Variants in FOXK2 observed in about 807,000 individuals in gnomAD.
The protein encoded by FOXK2 is forkhead box K2, also known as forkhead box protein K2.
Under a neutral mutation model 53.3 loss-of-function variants are expected in FOXK2, and 24 were observed. That is an observed-to-expected ratio of 0.45 (90% confidence interval 0.33 to 0.63). The LOEUF is 0.63. Among genes scored for constraint, FOXK2 ranks in the 30% least tolerant of loss-of-function variants. The pLI is 0.03. For missense variants in FOXK2, 952 were observed against 910.5 expected (o/e 1.05, Z -0.59); for synonymous variants, 505 against 407.1 (o/e 1.24, Z -2.89).
At chr17:82,535,060 TG>T (rs1463124992) in intron 1 of FOXK2, among the ~76,000 whole-genome samples, 2 of 152,162 alleles carry the variant, frequency 1.3e-5, no homozygotes, top group African/African-American at 4.8e-5. Context: ...TTGTATTTTT[TG>T]TACAGATGGG....
At chr17:82,523,125 C>T (rs2044382608) in intron 1 of FOXK2, among the ~76,000 whole-genome samples, 1 of 152,150 alleles carries the variant, frequency 6.6e-6, no homozygotes, top group Non-Finnish European at 1.5e-5. Context: ...AGGAATGAGT[C>T]TTGCAGTAGA....
intron 1 of FOXK2, among the ~76,000 whole-genome samples, chr17:82,558,716 C>T (rs1221195332): frequency 6.6e-6 from 1 of 152,030 alleles, no homozygotes; most frequent in African/African-American, 2.4e-5. Flanking sequence ...GCACAGTGGA[C>T]ACCAGATGTG....
intron 1 of FOXK2, among the ~76,000 whole-genome samples, chr17:82,536,684 C>G (rs199509312): frequency 1.3e-5 from 2 of 152,164 alleles, no homozygotes; most frequent in African/African-American, 4.8e-5. Context: ...AAAGCAAGCT[C>G]GAGGCCGAGG....
chr17:82,584,251 T>C lies in FOXK2; in HGVS notation c.1279+63T>C, dbSNP rs1200337744. On this transcript the variant is annotated intron_variant, in intron 6 of 8. Coordinates refer to ENST00000335255, the MANE Select transcript of FOXK2 (RefSeq NM_004514.4). ...GTGAGCCAGACGCGGACGCCTGGGC[T>C]CCACAGAGAAGAAACAGCCGGACTG... The C allele has an allele frequency of 5.5e-6, 8 of 1,464,130 alleles. No homozygotes were observed. The East Asian group carries it at 1.5e-4, about 28-fold the overall frequency. The allele number at this position is 1,464,130 out of a possible 1,614,324, so 90.7% of individuals were successfully genotyped here. A position where few individuals can be genotyped will look rare whatever the true frequency, so the allele number is the denominator to read the frequency against.
At chr17:82,592,557 C>T (rs767104712) in intron 8 of FOXK2, among the ~76,000 whole-genome samples, 35 of 152,370 alleles carry the variant, frequency 2.3e-4, no homozygotes, top group Non-Finnish European at 4.9e-4. Context: ...GCTGCTTCAC[C>T]CTGCGACATT....
At chr17:82,528,962 A>G (rs908694436) in intron 1 of FOXK2, among the ~76,000 whole-genome samples, 7 of 152,184 alleles carry the variant, frequency 4.6e-5, no homozygotes, top group Admixed American at 4.6e-4. Flanking sequence ...TTTGGTTGGC[A>G]TAGACTGGGA....
chr17:82,579,191 C>G (rs1276145303), intron 4 of FOXK2, among the ~76,000 whole-genome samples: 1 of 152,152 alleles, frequency 6.6e-6, no homozygotes, highest in Non-Finnish European at 1.5e-5. Flanking sequence ...GTTTGCTTTT[C>G]TTCAGTCCTA....
chr17:82,587,173 G>T lies in FOXK2; in HGVS notation c.1687G>T (p.Ala563Ser), dbSNP rs571265485. Reference sequence around the variant, plus strand: ...CCAGACGGTGACCATAGTACAACAGGCACCTCTAGGTCAACACCAGCTACC... The same window carrying T: ...CCAGACGGTGACCATAGTACAACAGTCACCTCTAGGTCAACACCAGCTACC... ...PVQTVTIVQQ[A>S]PLGQHQLPIK... The change falls in exon 8 of 9, where the codon GCA (alanine) becomes TCA (serine). Residue 563 changes from alanine to serine, a missense_variant. By Grantham distance (99) the Ala-to-Ser change is moderately conservative. Around this residue, in one of 5 missense-constraint regions of FOXK2, gnomAD observed 551 missense variants for 385.1 expected, o/e 1.43. Coordinates refer to ENST00000335255, the MANE Select transcript of FOXK2 (RefSeq NM_004514.4). 2 of 1,613,038 alleles carry T rather than the reference G, an allele frequency of 1.2e-6. No individual in the cohort carries two copies. The highest frequency in any genetic ancestry group is 1.7e-6 in the Non-Finnish European group (2 of 1,179,994).
At chr17:82,530,805 T>C (rs984489587) in intron 1 of FOXK2, among the ~76,000 whole-genome samples, 7 of 152,228 alleles carry the variant, frequency 4.6e-5, no homozygotes, top group African/African-American at 1.7e-4. Flanking sequence ...TGTGAGTCAC[T>C]GTGCCCGGTC....
At chr17:82,559,874 C>T (rs2044774195) in intron 1 of FOXK2, among the ~76,000 whole-genome samples, 1 of 151,934 alleles carries the variant, frequency 6.6e-6, no homozygotes. Context: ...AAGTGGGTGA[C>T]TTGAGAGATT....
At chr17:82,592,698 C>T (rs777994949) in intron 8 of FOXK2, among the ~76,000 whole-genome samples, 1 of 152,268 alleles carries the variant, frequency 6.6e-6, no homozygotes, top group Non-Finnish European at 1.5e-5. Context: ...TTTGTTGACT[C>T]CAGTGTTTCC....
intron 8 of FOXK2, chr17:82,587,563 TGAAACGGCG>T (rs1040710155): frequency 7.0e-5 from 31 of 442,994 alleles, no homozygotes; most frequent in Non-Finnish European, 1.2e-4. Flanking sequence ...GGAAGCGGCC[TGAAACGGCG>T]GGAGCCGCCG....
intron 1 of FOXK2, among the ~76,000 whole-genome samples, chr17:82,543,171 T>C (rs953529449): frequency 1.7e-5 from 2 of 117,724 alleles, no homozygotes; most frequent in Admixed American, 1.7e-4. Context: ...AAAACTGTTA[T>C]CTAAATCCAC....
rs1021673722 is a variant in FOXK2 at position 82,523,542 on chromosome 17, G to A, written c.419+3235G>A. 8.0e-5 allele frequency among the ~76,000 whole-genome samples: 12 copies of A among 150,416 alleles called. No homozygotes were observed. The Admixed American group carries it at 8.0e-4, about 10-fold the overall frequency. On this transcript the variant is annotated intron_variant, in intron 1 of 8. Transcript: ENST00000335255. The stretch of plus-strand genomic sequence containing the variant: ...GGCTGGAGTGCAATGGTATGATCTC[G>A]GCTCATTGCAACCTCCGCTTCCTGG...
chr17:82,563,108 T>C (rs2044815239), intron 1 of FOXK2, among the ~76,000 whole-genome samples: 1 of 152,124 alleles, frequency 6.6e-6, no homozygotes, highest in South Asian at 2.1e-4. Context: ...TACCTGGCCT[T>C]GTCTGTGCTT....
chr17:82,521,473 A>G (rs1230258254), intron 1 of FOXK2, among the ~76,000 whole-genome samples: 1 of 150,262 alleles, frequency 6.7e-6, no homozygotes, highest in Non-Finnish European at 1.5e-5. Context: ...CGCCCGGCCT[A>G]CAAATTGGAA....
chr17:82,585,893 T>C lies in FOXK2; in HGVS notation c.1280-11T>C, dbSNP rs2045133045. The C allele has an allele frequency of 1.9e-6, 3 of 1,602,904 alleles. No individual in the cohort carries two copies. Among genetic ancestry groups the C allele is most frequent in the Non-Finnish European group, 2.6e-6 (3 of 1,172,952 alleles). On this transcript the variant is annotated splice_polypyrimidine_tract_variant and intron_variant, in intron 6 of 8. Transcript: ENST00000335255. ...ATCTGTAAGTGTCAGTCCTGCTGTG[T>C]CTTTCACCAGGGTCACCTCTGTCCA...
At chr17:82,593,355 AGGAG>A (rs373881588) in intron 8 of FOXK2, 3,871 of 132,320 alleles carry the variant, frequency 0.029, 60 homozygotes, top group Middle Eastern at 0.051. Context: ...GAAGGAAGGA[AGGAG>A]GGAGGGAGGG....
rs1404493296 is a variant in FOXK2, at chr17:82,601,286, C to T, written c.1787-17C>T. ...CACGTGAGAGCGTGGGGTTCTGACT[C>T]CCTCGTGTCATTTCAGCCGCGGCGA... is the stretch of plus-strand genomic sequence containing the variant. On this transcript the variant is annotated splice_polypyrimidine_tract_variant and intron_variant, in intron 8 of 8. Coordinates refer to ENST00000335255, the MANE Select transcript of FOXK2 (RefSeq NM_004514.4). The T allele has an allele frequency of 1.2e-6, 2 of 1,606,528 alleles. No individual in the cohort carries two copies. The highest frequency in any genetic ancestry group is 1.3e-5 in the African/African-American group (1 of 74,932).
Sources: gnomAD v4.1 joint callset for allele counts (sites outside exome capture counted in the v4.1 genomes callset) on GRCh38, gnomAD v4.1.1 for gene constraint, gnomAD v4.1.1 regional missense constraint, MANE v1.5 for transcripts, NCBI Gene and HGNC (gene_info 2026-07-23, HGNC 2026-07-21) for gene names.